The following PRIM2 variants were observed in gnomAD, a reference collection of about 807,000 sequenced individuals.
PRIM2 encodes DNA primase subunit 2.
PRIM2 carries 39 observed loss-of-function variants against 67.3 expected under a neutral mutation model. That is an observed-to-expected ratio of 0.58 (90% confidence interval 0.45 to 0.76). The LOEUF is 0.76. PRIM2 is among the 30% of genes least tolerant of loss of function. The pLI is 0.00. For missense variants in PRIM2, 398 were observed against 598.7 expected, an observed-to-expected ratio of 0.66 and a Z score of 3.50; for synonymous variants, 143 against 198.7, an observed-to-expected ratio of 0.72 and a Z score of 2.36.
At chr6:57,314,544 C>T (rs1767444464), upstream of PRIM2, among the ~76,000 whole-genome samples, 1 of 152,162 alleles carries the variant, frequency 6.6e-6, no homozygotes, top group Non-Finnish European at 1.5e-5. Context: ...AAAGAAAAAA[C>T]AAAAACAATT....
intron 5 of PRIM2, among the ~76,000 whole-genome samples, chr6:57,353,051 T>C (rs1334582663): frequency 1.3e-5 from 2 of 151,872 alleles, no homozygotes; most frequent in Non-Finnish European, 1.5e-5. Context: ...GCATCTTCAG[T>C]TGGATATGTG....
At chr6:57,363,564 GAT>G (rs1258430692) in intron 5 of PRIM2, among the ~76,000 whole-genome samples, 1 of 152,140 alleles carries the variant, frequency 6.6e-6, no homozygotes, top group Non-Finnish European at 1.5e-5. Flanking sequence ...AGCACATTAA[GAT>G]ATATCACTCT....
At chr6:57,362,613 A>C (rs1031091947) in intron 5 of PRIM2, among the ~76,000 whole-genome samples, 4 of 152,168 alleles carry the variant, frequency 2.6e-5, no homozygotes, top group African/African-American at 9.6e-5. Context: ...AGAAATGTAG[A>C]ACCAAGTTAA....
chr6:57,512,185 A>C (rs1554347782), intron 8 of PRIM2, among the ~76,000 whole-genome samples: 4 of 152,188 alleles, frequency 2.6e-5, no homozygotes, highest in African/African-American at 9.7e-5. Flanking sequence ...TTGAGGAATA[A>C]ATAAGAAATG....
At chr6:57,583,548 G>A (rs1477615468) in intron 10 of PRIM2, among the ~76,000 whole-genome samples, 1 of 151,866 alleles carries the variant, frequency 6.6e-6, no homozygotes, top group Non-Finnish European at 1.5e-5. Context: ...GTGTATATGT[G>A]CCACATTTTC....
chr6:57,498,232 A>G (rs1386032902), intron 7 of PRIM2, among the ~76,000 whole-genome samples: 2 of 152,118 alleles, frequency 1.3e-5, no homozygotes, highest in African/African-American at 2.4e-5. Context: ...CTTAGAATAC[A>G]TATATAAGCA....
rs1422406300 is a variant in PRIM2 at position 57,326,099 on chromosome 6, T to C, written c.459+54T>C. On this transcript the variant is annotated intron_variant, in intron 5 of 13. Coordinates refer to ENST00000615550, the MANE Select transcript of PRIM2 (RefSeq NM_000947.5). ...TTGTTCTCACCATTCATTTTTCCCT[T>C]CTGTCTTAAGTGCTGGTACTAATGT... 5 of 1,593,926 alleles carry C rather than the reference T, an allele frequency of 3.1e-6. No individual in the cohort carries two copies. In the African/African-American group the frequency reaches 6.8e-5, roughly 22 times the overall value.
the PRIM2 span, among the ~76,000 whole-genome samples, chr6:57,257,691 CT>C: frequency 6.6e-6 from 1 of 152,200 alleles, no homozygotes; most frequent in African/African-American, 2.4e-5. Flanking sequence ...CCTCCCTTTT[CT>C]AACTGTACCC....
chr6:57,410,392 T>G (rs1305383817), intron 7 of PRIM2, among the ~76,000 whole-genome samples: 1 of 151,510 alleles, frequency 6.6e-6, no homozygotes, highest in Non-Finnish European at 1.5e-5. Context: ...TTTCATTGGA[T>G]TCCCCATTTT....
At chr6:57,535,776 A>C (rs1322386946) in intron 9 of PRIM2, among the ~76,000 whole-genome samples, 9 of 152,120 alleles carry the variant, frequency 5.9e-5, no homozygotes, top group Non-Finnish European at 1.3e-4. Flanking sequence ...GAAGCAGGAG[A>C]ATCGCATGAA....
intron 7 of PRIM2, among the ~76,000 whole-genome samples, chr6:57,479,148 A>G (rs1773551890): frequency 6.6e-6 from 1 of 152,250 alleles, no homozygotes; most frequent in South Asian, 2.1e-4. Flanking sequence ...CTCCACCTAA[A>G]AAAAGAAAAA....
intron 10 of PRIM2, among the ~76,000 whole-genome samples, chr6:57,545,033 A>G (rs1775256594): frequency 6.6e-6 from 1 of 152,184 alleles, no homozygotes; most frequent in Non-Finnish European, 1.5e-5. Flanking sequence ...TGTTTCTAAC[A>G]AGTTATAGAA....
chr6:57,299,209 A>G, the PRIM2 span, among the ~76,000 whole-genome samples: 1 of 152,196 alleles, frequency 6.6e-6, no homozygotes, highest in African/African-American at 2.4e-5. Flanking sequence ...AATGTGTATT[A>G]TCTCGATGAG....
chr6:57,231,353 T>A, the PRIM2 span, among the ~76,000 whole-genome samples: 1 of 152,218 alleles, frequency 6.6e-6, no homozygotes, highest in Non-Finnish European at 1.5e-5. Flanking sequence ...TACTTTATTC[T>A]ACTTGGTAAA....
At chr6:57,498,517 T>C (rs1554346557) in intron 7 of PRIM2, among the ~76,000 whole-genome samples, 4 of 152,216 alleles carry the variant, frequency 2.6e-5, no homozygotes, top group Non-Finnish European at 5.9e-5. Flanking sequence ...GAGAATACTA[T>C]TCTGGTTCTT....
chr6:57,481,383 G>A (rs1295678260), intron 7 of PRIM2, among the ~76,000 whole-genome samples: 1 of 152,058 alleles, frequency 6.6e-6, no homozygotes, highest in African/African-American at 2.4e-5. Context: ...CTGTTTTGTT[G>A]TTGTTGTTCA....
chr6:57,629,484 A>G (rs1189139753), intron 12 of PRIM2, among the ~76,000 whole-genome samples: 1 of 152,210 alleles, frequency 6.6e-6, no homozygotes, highest in African/African-American at 2.4e-5. Flanking sequence ...TATCTCATGC[A>G]TTATTTTAAG....
At chr6:57,456,939 A>G (rs1192018980) in intron 7 of PRIM2, among the ~76,000 whole-genome samples, 1 of 151,884 alleles carries the variant, frequency 6.6e-6, no homozygotes, top group African/African-American at 2.4e-5. Flanking sequence ...TTGGCCTTTG[A>G]TGATGGTGAC....
intron 5 of PRIM2, among the ~76,000 whole-genome samples, chr6:57,333,146 A>G (rs1395836645): frequency 6.6e-6 from 1 of 152,138 alleles, no homozygotes; most frequent in African/African-American, 2.4e-5. Flanking sequence ...TTGTTCCCAT[A>G]TGCTCTGTTC....
Sources: allele counts gnomAD v4.1 joint callset (sites outside exome capture counted in the v4.1 genomes callset), GRCh38; gene constraint gnomAD v4.1.1; transcripts MANE v1.5; gene names NCBI Gene and HGNC (gene_info 2026-07-23, HGNC 2026-07-21).